Variants in ABCC6 observed in about 807,000 individuals in gnomAD.
ABCC6 encodes the protein ATP binding cassette subfamily C member 6.
Under a neutral mutation model 169.5 loss-of-function variants are expected in ABCC6, and 126 were observed. The observed-to-expected ratio is 0.74, with a 90% CI of 0.64 to 0.86. The LOEUF (loss-of-function observed/expected upper bound fraction) is 0.86. Ranked by LOEUF, ABCC6 falls within the 40% of genes least tolerant of loss-of-function variation. ABCC6 has a pLI of 0.00. For missense variants in ABCC6, 1,733 were observed against 1,927.2 expected, an observed-to-expected ratio of 0.90 and a Z score of 1.89; for synonymous variants, 752 against 814.7, an observed-to-expected ratio of 0.92 and a Z score of 1.31.
intron 7 of ABCC6, among the ~76,000 whole-genome samples, chr16:16,205,398 C>T (rs1334291497): frequency 6.6e-6 from 1 of 152,060 alleles, no homozygotes; most frequent in Non-Finnish European, 1.5e-5. Flanking sequence ...GCACTAAGGA[C>T]CCCCAACCTC....
intron 10 of ABCC6, among the ~76,000 whole-genome samples, chr16:16,197,257 G>C (rs940307256): frequency 1.3e-5 from 2 of 152,098 alleles, no homozygotes; most frequent in Non-Finnish European, 2.9e-5. Flanking sequence ...ACATGGGGAA[G>C]TATCAACGTC....
intron 23 of ABCC6, 139 bp downstream of exon 23, chr16:16,165,484 T>C: frequency 1.2e-6 from 1 of 856,558 alleles, no homozygotes; most frequent in Non-Finnish European, 1.9e-6. Context: ...GACTGTAGTG[T>C]CCCTGTCCCT....
At position 16,169,893 on chromosome 16, in the gene ABCC6, C is replaced by T. The variant is rs1237887445; in HGVS notation, c.2788-40G>A. On this transcript the variant is annotated intron_variant, in intron 21 of 30. Coordinates refer to ENST00000205557, the MANE Select transcript of ABCC6 (RefSeq NM_001171.6). The stretch of plus-strand genomic sequence containing the variant: ...AGGGAGAGGGAGGCAGAGAGAGCCC[C>T]CAGTGGGAGGGGTGGGTTGAGGCAA... 3 of 1,544,804 alleles carry T rather than the reference C, an allele frequency of 1.9e-6. No homozygotes were observed. In the South Asian group the frequency reaches 3.6e-5, roughly 18 times the overall value.
In ABCC6 at chr16:16,159,579, G is replaced by A; in HGVS notation, c.3638C>T (p.Thr1213Ile). 1 of 1,614,096 alleles carries A rather than the reference G, an allele frequency of 6.2e-7. No homozygotes were observed. The highest frequency in any genetic ancestry group is 1.3e-5 in the African/African-American group (1 of 75,028). The change falls in exon 26 of 31, where the codon ACC (threonine) becomes ATC (isoleucine). Residue 1213 changes from threonine (T) to isoleucine (I), a missense_variant. Thr to Ile is a moderately conservative substitution (Grantham distance 89). Around this residue, in one of 5 missense-constraint regions of ABCC6, gnomAD observed 1,601 missense variants for 1,635.5 expected, o/e 0.98. Coordinates refer to ENST00000205557, the MANE Select transcript of ABCC6 (RefSeq NM_001171.6). ...GCGAACAACCCACTGCAGTGTCTGG[G>A]TCACCTGGTGCAAGAAAGCCTCTCT... ...GFSVSAALQV[T>I]QTLQWVVRNW...
chr16:16,157,198 A>G (rs2046578891), intron 27 of ABCC6, among the ~76,000 whole-genome samples: 1 of 152,166 alleles, frequency 6.6e-6, no homozygotes, highest in African/African-American at 2.4e-5. Context: ...AGCACTTTCT[A>G]TGAGCTAAGC....
chr16:16,152,669 G>GCA (rs1173831131), intron 29 of ABCC6, among the ~76,000 whole-genome samples: 3 of 132,346 alleles, frequency 2.3e-5, no homozygotes, highest in Non-Finnish European at 4.7e-5. Context: ...GGAAACTGAG[G>GCA]CACACAAGAT....
rs2048771875 is a variant in ABCC6, at chr16:16,214,405, G to T, written c.519C>A (p.Cys173Ter). ...CAAACTGTGCCACCACCAGAGACAG[G>T]CATAGGTAGGTGGACAGGTGGCGGA... ...DPVRHLSTYL[C>*]LSLVVAQFVL... Residue 173 changes from cysteine (C) to a stop codon, truncating the protein, a stop_gained, in exon 5 of 31, where the codon TGC becomes TGA. Transcript: ENST00000205557. LOFTEE classifies it high-confidence loss of function. The T allele has an allele frequency of 1.9e-6, 3 of 1,551,114 alleles. No individual in the cohort carries two copies. The highest frequency in any genetic ancestry group is 2.6e-6 in the Non-Finnish European group (3 of 1,146,776).
chr16:16,188,930 A>G lies in ABCC6; in HGVS notation c.1680T>C (p.Asn560=), dbSNP rs1354847076. The G allele has an allele frequency of 6.2e-7, 1 of 1,613,986 alleles. No homozygotes were observed. The highest frequency in any genetic ancestry group is 2.2e-5 in the East Asian group (1 of 44,870). ...CAAAGGCTTTCTCTGCATTCATAGC[A>G]TTCTCGGCCACCAGAGTGTGGACAG... ...VFAVHTLVAE[N]AMNAEKAFVT... Residue 560 remains asparagine (N), a synonymous_variant, in exon 13 of 31, where the codon AAT becomes AAC. Transcript: ENST00000205557.
chr16:16,184,820 C>A, intron 15 of ABCC6, 139 bp downstream of exon 15: 1 of 901,816 alleles, frequency 1.1e-6, no homozygotes, highest in South Asian at 1.3e-5. Flanking sequence ...ACCTCCCCGG[C>A]AGAGCCCCAG....
chr16:16,169,801 C>T lies in ABCC6; in HGVS notation c.2840G>A (p.Cys947Tyr). The T allele has an allele frequency of 6.3e-7, 1 of 1,574,970 alleles. No individual in the cohort carries two copies. The highest frequency in any genetic ancestry group is 8.6e-7 in the Non-Finnish European group (1 of 1,160,538). The change falls in exon 22 of 31, where the codon TGC (cysteine) becomes TAC (tyrosine). Residue 947 changes from cysteine to tyrosine, a missense_variant. Physicochemically the swap from Cys to Tyr is radical, Grantham distance 194. Transcript: ENST00000205557. ...AYLRAVGTPL[C>Y]LYALFLFLCQ... ...GAGGAAGAGGAAGAGTGCGTAGAGGCAGAGGGGGGTGCCCACGGCACGCAG... is the reference window on the plus strand; with the variant it reads ...GAGGAAGAGGAAGAGTGCGTAGAGGTAGAGGGGGGTGCCCACGGCACGCAG...
chr16:16,169,641 C>T lies in ABCC6; in HGVS notation c.2995+5G>A, dbSNP rs1158056430. ...AGAGGGATGAGGAGGGCAGGTGAGG[C>T]GTACCTTGGAGACAGCCGAGGAGCC... On this transcript the variant is annotated splice_donor_5th_base_variant and intron_variant, in intron 22 of 30. Coordinates refer to ENST00000205557, the MANE Select transcript of ABCC6 (RefSeq NM_001171.6). The T allele has an allele frequency of 9.3e-6, 15 of 1,610,098 alleles. No individual in the cohort carries two copies. The highest frequency in any genetic ancestry group is 1.2e-5 in the Non-Finnish European group (14 of 1,179,508).
intron 23 of ABCC6, 102 bp downstream of exon 23, chr16:16,165,521 G>A: frequency 2.3e-6 from 3 of 1,297,728 alleles, no homozygotes; most frequent in African/African-American, 1.5e-5. Context: ...GCCCCTAGAT[G>A]TCCAGCTGGG....
chr16:16,182,088 G>T (rs2047493359), intron 17 of ABCC6, among the ~76,000 whole-genome samples: 1 of 152,154 alleles, frequency 6.6e-6, no homozygotes, highest in Admixed American at 6.5e-5. Context: ...GAGAGGGGAA[G>T]CAATTACACC....
intron 9 of ABCC6, among the ~76,000 whole-genome samples, chr16:16,198,431 A>G (rs999533851): frequency 3.9e-5 from 6 of 152,218 alleles, no homozygotes; most frequent in African/African-American, 9.6e-5. Context: ...ATTAACACAG[A>G]TAACGGTGGT....
In ABCC6 at chr16:16,161,459, G is replaced by A. The variant is rs1464733728; in HGVS notation, c.3612C>T (p.Phe1204=). Residue 1204 remains phenylalanine (F), a synonymous_variant, in exon 25 of 31, where the codon TTC becomes TTT. Transcript: ENST00000205557. ...GTACCTGGAGGGCAGCAGAGACAGA[G>A]AAGCCCACGAGGCCAGCACTGAGGT... ...KAHLSAGLVG[F]SVSAALQVTQ... is the part of the protein sequence containing the mutation. 6.2e-7 allele frequency: 1 copy of A among 1,613,938 alleles called. No homozygotes were observed.
intron 24 of ABCC6, among the ~76,000 whole-genome samples, chr16:16,162,024 G>C (rs993886220): frequency 1.3e-5 from 2 of 152,130 alleles, no homozygotes; most frequent in African/African-American, 4.8e-5. Context: ...TGGCGTAAAA[G>C]GATGCGGCAG....
At chr16:16,180,904 T>C (rs1310644416) in intron 17 of ABCC6, among the ~76,000 whole-genome samples, 1 of 152,178 alleles carries the variant, frequency 6.6e-6, no homozygotes, top group African/African-American at 2.4e-5. Context: ...AAGTTGCTGC[T>C]CTCTTAATGG....
In ABCC6 at chr16:16,159,598, C is replaced by A; in HGVS notation, c.3634-15G>T. The A allele has an allele frequency of 1.9e-6, 3 of 1,613,670 alleles. No individual in the cohort carries two copies. The highest frequency in any genetic ancestry group is 2.5e-6 in the Non-Finnish European group (3 of 1,179,616). ...GTCTGGGTCACCTGGTGCAAGAAAG[C>A]CTCTCTGGCTGGGTTTGGCAAGGCC... On this transcript the variant is annotated splice_polypyrimidine_tract_variant and intron_variant, in intron 25 of 30. Coordinates refer to ENST00000205557, the MANE Select transcript of ABCC6 (RefSeq NM_001171.6).
rs138410013 is a variant in ABCC6 at position 16,169,695 on chromosome 16, C to T, written c.2946G>A (p.Thr982=). 80 of 1,611,262 alleles carry T rather than the reference C, an allele frequency of 5.0e-5. No individual in the cohort carries two copies. The highest frequency in any genetic ancestry group is 6.1e-5 in the Non-Finnish European group (72 of 1,179,642). Residue 982 remains threonine, a synonymous_variant, in exon 22 of 31, where the codon ACG becomes ACA. Transcript: ENST00000205557. ...ADDPAVGGQQ[T]QAALRGGIFG... is the part of the protein sequence containing the mutation. ...AGATCCCGCCACGCAGGGCTGCCTG[C>T]GTCTGCTGCCCACCTACTGCAGGGT... is the stretch of plus-strand genomic sequence containing the variant.
Sources: gnomAD v4.1 joint callset for allele counts (sites outside exome capture counted in the v4.1 genomes callset) on GRCh38, gnomAD v4.1.1 for gene constraint, gnomAD v4.1.1 regional missense constraint, MANE v1.5 for transcripts, NCBI Gene and HGNC (gene_info 2026-07-23, HGNC 2026-07-21) for gene names.